The following TYMS variants were observed in gnomAD, a reference collection of about 807,000 sequenced individuals.
TYMS encodes thymidylate synthase.
In TYMS, 21 loss-of-function variants were observed where a neutral mutation model predicts 39.3. The observed-to-expected ratio is 0.54, with a 90% CI of 0.38 to 0.77. The LOEUF (loss-of-function observed/expected upper bound fraction) is 0.77. TYMS is among the 30% of genes least tolerant of loss of function. The pLI, the probability that TYMS is intolerant of heterozygous loss-of-function variation, is 0.00. For synonymous variants in TYMS, 171 were observed against 162.2 expected (o/e 1.05, Z -0.41); for missense variants, 273 against 406.7 (o/e 0.67, Z 2.83).
At position 662,265 on chromosome 18, in the gene TYMS, A is replaced by C; in HGVS notation, c.399A>C (p.Pro133=). ...FSTREEGDLG[P]VYGFQWRHFG... is the part of the protein sequence containing the mutation. The stretch of plus-strand genomic sequence containing the variant: ...CCAGAGAAGAAGGGGACTTGGGCCC[A>C]GTTTATGGCTTCCAGTGGAGGCATT... Residue 133 remains proline (P), a synonymous_variant, in exon 3 of 7, where the codon CCA becomes CCC. Transcript: ENST00000323274. 6.2e-7 allele frequency: 1 copy of C among 1,614,054 alleles called. No individual in the cohort carries two copies. The highest frequency in any genetic ancestry group is 8.5e-7 in the Non-Finnish European group (1 of 1,179,986).
intron 3 of TYMS, among the ~76,000 whole-genome samples, chr18:667,422 GGT>G (rs1475299311): frequency 6.8e-4 from 3 of 4,440 alleles, no homozygotes; most frequent in Non-Finnish European, 1.0e-3. Context: ...TGATGGTGAT[GGT>G]GATGGAGATG....
Position 658,363 on chromosome 18 carries a change from G to A in TYMS, c.205+416G>A. The stretch of plus-strand genomic sequence containing the variant: ...TCCGTTTTCCCCTGTGGACCATTCC[G>A]CTTCGCAGCGTTTTCAAAAACTGGA... On this transcript the variant is annotated intron_variant, in intron 1 of 6. Transcript: ENST00000323274. This position sits in a 1 kb window ranked among gnomAD's most constrained non-coding sequence, Gnocchi z 4.5. 7.8e-7 allele frequency: 1 copy of A among 1,288,222 alleles called. No individual in the cohort carries two copies. The allele number at this position is 1,288,222 out of a possible 1,614,324, so 79.8% of individuals were successfully genotyped here. A position where few individuals can be genotyped will look rare whatever the true frequency, so the allele number is the denominator to read the frequency against.
Position 673,162 on chromosome 18 carries a change from C to A in TYMS, c.*165C>A. 1 of 672,446 alleles carries A rather than the reference C, an allele frequency of 1.5e-6. No homozygotes were observed. The highest frequency in any genetic ancestry group is 2.3e-6 in the Non-Finnish European group (1 of 435,378). 41.7% of individuals were successfully genotyped at this position (672,446 alleles called of 1,614,324 possible). On this transcript the variant is annotated 3_prime_UTR_variant, in exon 7 of 7. Coordinates refer to ENST00000323274, the MANE Select transcript of TYMS (RefSeq NM_001071.4). ...AGGATGTTGCCACTGGCAAATGTAACTGTGCCAGTTCTTTCCATAATAAAA... is the reference window on the plus strand; with the variant it reads ...AGGATGTTGCCACTGGCAAATGTAAATGTGCCAGTTCTTTCCATAATAAAA...
chr18:670,643 G>C (rs775935295), intron 4 of TYMS, 49 bp from the exon 5 acceptor site: 3 of 1,598,278 alleles, frequency 1.9e-6, no homozygotes, highest in Non-Finnish European at 2.6e-6. Flanking sequence ...CTTTAGCTGT[G>C]GTCTTTCAAA....
chr18:667,969 T>C (rs899710581), intron 3 of TYMS, among the ~76,000 whole-genome samples: 1 of 149,350 alleles, frequency 6.7e-6, no homozygotes, highest in African/African-American at 2.5e-5. Context: ...TTGTTTTTAA[T>C]TTTGTTTTAC....
At chr18:672,702 A>G in intron 6 of TYMS, 158 bp from the exon 7 acceptor site, 1 of 730,590 alleles carries the variant, frequency 1.4e-6, no homozygotes, top group Non-Finnish European at 2.1e-6. Flanking sequence ...TTGCGCTCCA[A>G]TCATGTTACA....
rs904312165 is a variant in TYMS, at chr18:658,652, G to A, written c.205+705G>A. 2 of 278,932 alleles carry A rather than the reference G, an allele frequency of 7.2e-6. No individual in the cohort carries two copies. Among genetic ancestry groups the A allele is most frequent in the Non-Finnish European group, 6.9e-6 (1 of 144,116 alleles). The allele number at this position is 278,932 out of a possible 1,614,324, so 17.3% of individuals were successfully genotyped here. Reference sequence around the variant, plus strand: ...AGGGGACAGTGGGGCGGGGCGGGGTGGGCACAGGACGTTAGGCAGCCGTTG... The same window carrying A: ...AGGGGACAGTGGGGCGGGGCGGGGTAGGCACAGGACGTTAGGCAGCCGTTG... On this transcript the variant is annotated intron_variant, in intron 1 of 6. Transcript: ENST00000323274. The surrounding 1 kb of genome is among the most constrained non-coding windows in gnomAD (Gnocchi z 4.5).
chr18:668,248 T>TTA (rs1449126365), intron 3 of TYMS, among the ~76,000 whole-genome samples: 4 of 150,814 alleles, frequency 2.7e-5, no homozygotes, highest in Non-Finnish European at 5.9e-5. Context: ...ATCTTTGATG[T>TTA]TACCTTTTTC....
At position 658,004 on chromosome 18, in the gene TYMS, G is replaced by A; in HGVS notation, c.205+57G>A. ...CGGGAAGGAGGGAGGCGCGGCTGGGGAGAGCGCTCGGGAGCTGCCGGGCGC... is the reference window on the plus strand; with the variant it reads ...CGGGAAGGAGGGAGGCGCGGCTGGGAAGAGCGCTCGGGAGCTGCCGGGCGC... On this transcript the variant is annotated intron_variant, in intron 1 of 6. Transcript: ENST00000323274. The surrounding 1 kb of genome is among the most constrained non-coding windows in gnomAD (Gnocchi z 4.5). 2.6e-6 allele frequency: 4 copies of A among 1,521,708 alleles called. No homozygotes were observed. The South Asian group carries it at 3.8e-5, about 15-fold the overall frequency. 94.3% of individuals were successfully genotyped at this position (1,521,708 alleles called of 1,614,324 possible).
At chr18:661,926 C>T (rs908375788) in intron 2 of TYMS, among the ~76,000 whole-genome samples, 4 of 152,132 alleles carry the variant, frequency 2.6e-5, no homozygotes, top group Non-Finnish European at 4.4e-5. Flanking sequence ...TGGAGGGTGC[C>T]GTGAGCCACG....
intron 2 of TYMS, 76 bp from the exon 3 acceptor site, chr18:662,070 T>G: frequency 6.9e-7 from 1 of 1,455,572 alleles, no homozygotes; most frequent in Non-Finnish European, 9.2e-7. Flanking sequence ...CCCTTGTAAG[T>G]GGTGTCTCGG....
chr18:670,627 C>T (rs2075000116), intron 4 of TYMS, 65 bp from the exon 5 acceptor site: 18 of 1,563,870 alleles, frequency 1.2e-5, no homozygotes, highest in Admixed American at 7.0e-5. Flanking sequence ...TCCTGTTTTA[C>T]TTTGCCTTTA....
At chr18:663,333 C>T (rs2074775384) in intron 3 of TYMS, among the ~76,000 whole-genome samples, 1 of 98,132 alleles carries the variant, frequency 1.0e-5, no homozygotes, top group South Asian at 3.3e-4. Flanking sequence ...AGTGTCTGTT[C>T]ATGTCCTTCG....
chr18:670,036 TAGAG>T (rs112444526), intron 4 of TYMS, among the ~76,000 whole-genome samples: 1 of 138,500 alleles, frequency 7.2e-6, no homozygotes, highest in Non-Finnish European at 1.5e-5. Context: ...GCATCTGTAA[TAGAG>T]ACTTATTTTT....
In TYMS at chr18:658,516, A is replaced by G. The variant is rs2074719316; in HGVS notation, c.205+569A>G. On this transcript the variant is annotated intron_variant, in intron 1 of 6. Transcript: ENST00000323274. The surrounding 1 kb of genome is among the most constrained non-coding windows in gnomAD (Gnocchi z 4.5). ...CCAGCTTTCCTCTTAAACCTTGAAA[A>G]GAGAAATTCGGGAGTTCGAGTATAA... is the stretch of plus-strand genomic sequence containing the variant. The G allele has an allele frequency of 3.0e-6, 1 of 331,952 alleles. No individual in the cohort carries two copies. Among genetic ancestry groups the G allele is most frequent in the Admixed American group, 4.8e-5 (1 of 20,850 alleles). 20.6% of individuals were successfully genotyped at this position (331,952 alleles called of 1,614,324 possible). A position where few individuals can be genotyped will look rare whatever the true frequency, so the allele number is the denominator to read the frequency against.
At chr18:666,391 C>T (rs2074816839) in intron 3 of TYMS, among the ~76,000 whole-genome samples, 1 of 152,100 alleles carries the variant, frequency 6.6e-6, no homozygotes, top group Non-Finnish European at 1.5e-5. Flanking sequence ...CACTCCACTC[C>T]CAGCTCTGCA....
intron 3 of TYMS, among the ~76,000 whole-genome samples, chr18:665,356 G>C (rs1377284908): frequency 6.6e-6 from 1 of 150,988 alleles, no homozygotes; most frequent in Admixed American, 6.6e-5. Flanking sequence ...TGTGGGATTG[G>C]TGGTGATATC....
rs1567989396 is a variant in TYMS, at chr18:666,913, GGT to G, written c.455-2157_455-2156del. On this transcript the variant is annotated intron_variant, in intron 3 of 6. Transcript: ENST00000323274. Reference sequence around the variant, plus strand: ...GGGAGATGGTGATGGAGATGGTGATGGTGATGGAGATGGTGATGGTGATGGAG... The same window carrying G: ...GGGAGATGGTGATGGAGATGGTGATGGATGGAGATGGTGATGGTGATGGAG... Among the ~76,000 whole-genome samples the G allele has an allele frequency of 1.8e-4, 12 of 65,092 alleles. 2 individuals are homozygous for G. Among genetic ancestry groups the G allele is most frequent in the Admixed American group, 6.8e-4 (3 of 4,382 alleles). 42.7% of individuals were successfully genotyped at this position (65,092 alleles called of 152,430 possible).
intron 3 of TYMS, among the ~76,000 whole-genome samples, chr18:666,242 G>A (rs942417199): frequency 1.3e-5 from 2 of 151,470 alleles, no homozygotes; most frequent in Non-Finnish European, 2.9e-5. Context: ...GTTGGTGTTC[G>A]TGCTGGGGAA....
Sources: gnomAD v4.1 joint callset for allele counts (sites outside exome capture counted in the v4.1 genomes callset) on GRCh38, gnomAD v4.1.1 for gene constraint, Gnocchi (gnomAD v3.1) non-coding constraint, MANE v1.5 for transcripts, NCBI Gene and HGNC (gene_info 2026-07-23, HGNC 2026-07-21) for gene names.